The following ST6GALNAC3 variants were observed in gnomAD, a reference collection of about 807,000 sequenced individuals.
ST6GALNAC3 encodes the protein ST6 N-acetylgalactosaminide alpha-2,6-sialyltransferase 3, also known as alpha-N-acetylgalactosaminide alpha-2,6-sialyltransferase 3.
ST6GALNAC3 carries 25 observed loss-of-function variants against 32.7 expected under a neutral mutation model. That is an observed-to-expected ratio of 0.76 (90% CI 0.56 to 1.07). ST6GALNAC3 has a LOEUF of 1.07. Ranked by LOEUF, ST6GALNAC3 falls within the 50% of genes least tolerant of loss-of-function variation. The pLI, the probability that ST6GALNAC3 is intolerant of heterozygous loss-of-function variation, is 0.00. For synonymous variants in ST6GALNAC3, 129 were observed against 133.1 expected (o/e 0.97, Z 0.21); for missense variants, 355 against 382.4 (o/e 0.93, Z 0.60).
chr1:76,220,548 A>T (rs1308027242), intron 1 of ST6GALNAC3, among the ~76,000 whole-genome samples: 3 of 152,232 alleles, frequency 2.0e-5, no homozygotes, highest in African/African-American at 7.2e-5. Flanking sequence ...ATCAACCAAT[A>T]CAAACAAATA....
intron 3 of ST6GALNAC3, among the ~76,000 whole-genome samples, chr1:76,414,355 C>G (rs1654471402): frequency 1.3e-5 from 2 of 151,992 alleles, no homozygotes; most frequent in Non-Finnish European, 2.9e-5. Context: ...GTACTCCAAC[C>G]AGACAAGAGA....
At chr1:76,159,586 GCAAA>G (rs1651686260) in intron 1 of ST6GALNAC3, among the ~76,000 whole-genome samples, 1 of 152,156 alleles carries the variant, frequency 6.6e-6, no homozygotes, top group South Asian at 2.1e-4. Context: ...CATTTATTGT[GCAAA>G]CAGTTGATTG....
chr1:76,595,813 A>C (rs539747218), intron 3 of ST6GALNAC3, among the ~76,000 whole-genome samples: 13 of 152,204 alleles, frequency 8.5e-5, no homozygotes, highest in East Asian at 1.9e-4. Flanking sequence ...GGATATATAG[A>C]TTTGATCTCT....
At chr1:76,339,924 A>C (rs534703111) in intron 2 of ST6GALNAC3, among the ~76,000 whole-genome samples, 1 of 152,364 alleles carries the variant, frequency 6.6e-6, no homozygotes, top group South Asian at 2.1e-4. Flanking sequence ...CAAAAACCTC[A>C]AGGAAGTGGG....
intron 1 of ST6GALNAC3, among the ~76,000 whole-genome samples, chr1:76,244,827 C>T (rs1439502996): frequency 2.0e-5 from 3 of 152,094 alleles, no homozygotes; most frequent in Non-Finnish European, 4.4e-5. Context: ...TTTTGACATG[C>T]TACTGGATTT....
intron 2 of ST6GALNAC3, among the ~76,000 whole-genome samples, chr1:76,322,090 T>C (rs1646977897): frequency 6.6e-6 from 1 of 152,164 alleles, no homozygotes; most frequent in Admixed American, 6.5e-5. Flanking sequence ...GAAAGGGGCC[T>C]ATTAGAAATT....
chr1:76,485,668 A>C (rs2101672570), intron 3 of ST6GALNAC3, among the ~76,000 whole-genome samples: 1 of 152,180 alleles, frequency 6.6e-6, no homozygotes, highest in East Asian at 1.9e-4. Context: ...CCTTTCAAAA[A>C]ACTAGCTCCT....
intron 2 of ST6GALNAC3, 56 bp downstream of exon 2, chr1:76,314,055 CT>C: frequency 6.5e-7 from 1 of 1,537,160 alleles, no homozygotes; most frequent in Non-Finnish European, 8.8e-7. Context: ...AACAGCTTTT[CT>C]TTAGGAGCCA....
At chr1:76,337,235 C>A (rs1188345115) in intron 2 of ST6GALNAC3, among the ~76,000 whole-genome samples, 2 of 152,226 alleles carry the variant, frequency 1.3e-5, no homozygotes, top group Non-Finnish European at 2.9e-5. Context: ...TCCCCAAGCA[C>A]TCTCTGGCTG....
At chr1:76,149,677 C>CT (rs1557655304) in intron 1 of ST6GALNAC3, among the ~76,000 whole-genome samples, 1,687 of 151,998 alleles carry the variant, frequency 0.011, 32 homozygotes, top group African/African-American at 0.039. Context: ...TCCATTGTTC[C>CT]ATTGTGTATT....
intron 1 of ST6GALNAC3, among the ~76,000 whole-genome samples, chr1:76,117,822 C>T (rs1411644941): frequency 6.6e-6 from 1 of 152,146 alleles, no homozygotes; most frequent in Non-Finnish European, 1.5e-5. Context: ...GTGGGAATTC[C>T]ACCTCTGCTG....
chr1:76,554,215 G>A (rs1202771539), intron 3 of ST6GALNAC3, among the ~76,000 whole-genome samples: 1 of 152,144 alleles, frequency 6.6e-6, no homozygotes, highest in Non-Finnish European at 1.5e-5. Flanking sequence ...AATTCATGTA[G>A]TTGGGTACTA....
At chr1:76,602,605 G>A (rs547507942) in intron 3 of ST6GALNAC3, among the ~76,000 whole-genome samples, 9 of 152,138 alleles carry the variant, frequency 5.9e-5, no homozygotes, top group Middle Eastern at 6.8e-3. Flanking sequence ...AAATTTGATA[G>A]CAAGTTAGGG....
rs572380046 is a variant in ST6GALNAC3 at position 76,484,396 on chromosome 1, G to A, written c.623+71979G>A. ...ATTTGTTTGTGTCCTCTTTTATTTC[G>A]TTGAGCAGTGGTTTGTAGTTCTCCT... On this transcript the variant is annotated intron_variant, in intron 3 of 4. Coordinates refer to ENST00000328299, the MANE Select transcript of ST6GALNAC3 (RefSeq NM_152996.4). 3.5e-3 allele frequency among the ~76,000 whole-genome samples: 530 copies of A among 151,976 alleles called. 1 individual carries two copies. The highest frequency in any genetic ancestry group is 6.5e-3 in the Non-Finnish European group (439 of 67,956).
At chr1:76,445,581 T>A (rs1292249499) in intron 3 of ST6GALNAC3, among the ~76,000 whole-genome samples, 1 of 152,220 alleles carries the variant, frequency 6.6e-6, no homozygotes, top group Non-Finnish European at 1.5e-5. Flanking sequence ...TATGTACTAT[T>A]GTGACATGCT....
chr1:76,301,798 G>A (rs1660739408), intron 1 of ST6GALNAC3, among the ~76,000 whole-genome samples: 1 of 151,830 alleles, frequency 6.6e-6, no homozygotes, highest in South Asian at 2.1e-4. Context: ...GGATATGCCT[G>A]CATGAGCAAC....
At chr1:76,487,357 G>C (rs1187135504) in intron 3 of ST6GALNAC3, among the ~76,000 whole-genome samples, 1 of 152,096 alleles carries the variant, frequency 6.6e-6, no homozygotes, top group Non-Finnish European at 1.5e-5. Context: ...TCACTTTCAG[G>C]TACACCAATC....
At chr1:76,127,090 G>A (rs1649303820) in intron 1 of ST6GALNAC3, among the ~76,000 whole-genome samples, 1 of 152,182 alleles carries the variant, frequency 6.6e-6, no homozygotes, top group Admixed American at 6.5e-5. Flanking sequence ...GCAGATTTCT[G>A]GAATCATCTT....
intron 1 of ST6GALNAC3, among the ~76,000 whole-genome samples, chr1:76,270,279 G>T (rs1658762933): frequency 6.6e-6 from 1 of 152,048 alleles, no homozygotes; most frequent in South Asian, 2.1e-4. Context: ...GGCCAAAGCT[G>T]GTGGATCCCC....
Sources: allele counts gnomAD v4.1 joint callset (sites outside exome capture counted in the v4.1 genomes callset), GRCh38; gene constraint gnomAD v4.1.1; transcripts MANE v1.5; gene names NCBI Gene and HGNC (gene_info 2026-07-23, HGNC 2026-07-21).